PLEKHA5: variants seen among roughly 807,000 people sequenced by gnomAD.
PLEKHA5 encodes the protein pleckstrin homology domain-containing family A member 5.
A neutral mutation model predicts 181.9 loss-of-function variants in PLEKHA5; 55 were observed. That is an observed-to-expected ratio of 0.30 (90% confidence interval 0.24 to 0.38). PLEKHA5 has a LOEUF of 0.38. Ranked by LOEUF, PLEKHA5 falls within the 10% of genes least tolerant of loss-of-function variation. The pLI, the probability that PLEKHA5 is intolerant of heterozygous loss-of-function variation, is 1.00. For synonymous variants in PLEKHA5, 535 were observed against 529.4 expected, an observed-to-expected ratio of 1.01 and a Z score of -0.15; for missense variants, 1,432 against 1,549.5, an observed-to-expected ratio of 0.92 and a Z score of 1.27.
At chr12:19,187,429 T>C (rs1591985735) in intron 3 of PLEKHA5, among the ~76,000 whole-genome samples, 2 of 152,198 alleles carry the variant, frequency 1.3e-5, no homozygotes, top group South Asian at 4.1e-4. Context: ...GATGTTAGTC[T>C]TAATTACAGT....
intron 25 of PLEKHA5, among the ~76,000 whole-genome samples, chr12:19,349,866 A>G (rs1025654612): frequency 6.6e-6 from 1 of 152,166 alleles, no homozygotes; most frequent in Non-Finnish European, 1.5e-5. Context: ...TAATCCCAGC[A>G]CTTTGGGAGG....
rs2078206521 is a variant in PLEKHA5 at position 19,290,623 on chromosome 12, G to A, written c.1864-54G>A. The A allele has an allele frequency of 2.0e-6, 3 of 1,477,602 alleles. No homozygotes were observed. The South Asian group carries it at 3.8e-5, about 19-fold the overall frequency. The allele number at this position is 1,477,602 out of a possible 1,614,324, so 91.5% of individuals were successfully genotyped here. ...TCTTGGTTTAATATCTGTCACTTAA[G>A]ACAACAATTAATCTGTTTTCCACTG... On this transcript the variant is annotated intron_variant, in intron 13 of 31. Coordinates refer to ENST00000429027, the MANE Select transcript of PLEKHA5 (RefSeq NM_001256470.2).
At chr12:19,219,062 A>G (rs986017860) in intron 3 of PLEKHA5, among the ~76,000 whole-genome samples, 2 of 151,970 alleles carry the variant, frequency 1.3e-5, no homozygotes, top group Non-Finnish European at 2.9e-5. Context: ...ACAGATTTGA[A>G]CTGCGCTGGT....
intron 18 of PLEKHA5, chr12:19,321,770 A>G (rs999997603): frequency 2.6e-5 from 4 of 152,270 alleles, no homozygotes; most frequent in African/African-American, 9.6e-5. Context: ...TGGCAAAGAA[A>G]GTAAAGTCTC....
At chr12:19,342,568 A>G (rs2094020252) in intron 21 of PLEKHA5, among the ~76,000 whole-genome samples, 1 of 152,124 alleles carries the variant, frequency 6.6e-6, no homozygotes, top group Non-Finnish European at 1.5e-5. Flanking sequence ...AGGCAGGGCA[A>G]TTGCTTGAAC....
intron 3 of PLEKHA5, among the ~76,000 whole-genome samples, chr12:19,224,367 T>C (rs926083021): frequency 9.9e-5 from 15 of 152,172 alleles, no homozygotes; most frequent in Non-Finnish European, 2.2e-4. Context: ...TTTAATTGAA[T>C]GACTTTTGTT....
Position 19,359,616 on chromosome 12 carries a change from T to C in PLEKHA5, c.3483+70T>C, listed in dbSNP as rs145172976. ...GTGAAGATTAAATCAAGTGGTAAGG[T>C]TGAAAATAAAGTGTGTTTCTTTCAG... is the stretch of plus-strand genomic sequence containing the variant. On this transcript the variant is annotated intron_variant, in intron 28 of 31. Transcript: ENST00000429027. 1,679 of 1,442,038 alleles carry C rather than the reference T, an allele frequency of 1.2e-3. 16 individuals are homozygous for C. In the African/African-American group the frequency reaches 0.019, roughly 16 times the overall value. The allele number at this position is 1,442,038 out of a possible 1,614,324, so 89.3% of individuals were successfully genotyped here.
At chr12:19,333,344 C>A (rs2093038804) in intron 20 of PLEKHA5, among the ~76,000 whole-genome samples, 2 of 151,842 alleles carry the variant, frequency 1.3e-5, no homozygotes, top group Non-Finnish European at 2.9e-5. Flanking sequence ...CTTTGGGAGG[C>A]TGAGGCAGGC....
chr12:19,283,717 A>T lies in PLEKHA5; in HGVS notation c.1751A>T (p.Asp584Val). ...ATTCAGAGAGGAGATGTGACAATAGACCGCAGACACAGGGCCCATCACCCT... is the reference window on the plus strand; with the variant it reads ...ATTCAGAGAGGAGATGTGACAATAGTCCGCAGACACAGGGCCCATCACCCT... ...SPIQRGDVTI[D>V]RRHRAHHPKH... The change falls in exon 12 of 32, where the codon GAC becomes GTC. Residue 584 changes from aspartate to valine, a missense_variant. Physicochemically the swap from Asp to Val is radical, Grantham distance 152. Transcript: ENST00000429027. 1 of 1,613,616 alleles carries T rather than the reference A, an allele frequency of 6.2e-7. No homozygotes were observed.
chr12:19,188,238 A>G (rs545342745), intron 3 of PLEKHA5, among the ~76,000 whole-genome samples: 74 of 152,360 alleles, frequency 4.9e-4, no homozygotes, highest in African/African-American at 1.8e-3. Flanking sequence ...TTTAACATTA[A>G]GGACATAAGG....
At chr12:19,275,665 A>C (rs1029255991) in intron 11 of PLEKHA5, among the ~76,000 whole-genome samples, 1 of 152,056 alleles carries the variant, frequency 6.6e-6, no homozygotes, top group African/African-American at 2.4e-5. Flanking sequence ...ACTTGGGGGA[A>C]GTTGAAGTGG....
chr12:19,214,310 C>T (rs911215605), intron 3 of PLEKHA5, among the ~76,000 whole-genome samples: 4 of 152,124 alleles, frequency 2.6e-5, no homozygotes, highest in Admixed American at 1.3e-4. Flanking sequence ...CACCTTTTGA[C>T]TTTGTCAGTT....
At chr12:19,302,839 A>G (rs1199930873) in intron 15 of PLEKHA5, among the ~76,000 whole-genome samples, 3 of 151,494 alleles carry the variant, frequency 2.0e-5, no homozygotes, top group Non-Finnish European at 4.4e-5. Flanking sequence ...TCAATATTGA[A>G]CTACACAGAT....
chr12:19,186,366 T>C (rs1312469453), intron 3 of PLEKHA5, among the ~76,000 whole-genome samples: 1 of 152,198 alleles, frequency 6.6e-6, no homozygotes, highest in African/African-American at 2.4e-5. Flanking sequence ...CTAAGTTAGG[T>C]TGGCCACAGT....
chr12:19,231,918 CG>C (rs754589764), intron 3 of PLEKHA5, among the ~76,000 whole-genome samples: 17 of 151,776 alleles, frequency 1.1e-4, no homozygotes, highest in Admixed American at 3.3e-4. Flanking sequence ...TTTTTTCCAT[CG>C]AGAAAAATTG....
intron 17 of PLEKHA5, 99 bp from the exon 18 acceptor site, chr12:19,320,463 T>C (rs1373284903): frequency 1.8e-6 from 1 of 558,992 alleles, no homozygotes. Context: ...ATTTTTGTTA[T>C]GTTATATATA....
In PLEKHA5 at chr12:19,220,914, A is replaced by G. The variant is rs145697773; in HGVS notation, c.228-33026A>G. On this transcript the variant is annotated intron_variant, in intron 3 of 31. Coordinates refer to ENST00000429027, the MANE Select transcript of PLEKHA5 (RefSeq NM_001256470.2). ...AAATGAACATGCAAAAAAAATGCTT[A>G]ACACGTTTGTCTGTAGGGAATTGCA... is the stretch of plus-strand genomic sequence containing the variant. Among the ~76,000 whole-genome samples the G allele has an allele frequency of 5.7e-3, 873 of 152,298 alleles. 5 individuals carry two copies. Among genetic ancestry groups the G allele is most frequent in the Non-Finnish European group, 7.8e-3 (531 of 68,020 alleles).
chr12:19,289,595 A>G (rs952386652), intron 13 of PLEKHA5, among the ~76,000 whole-genome samples: 1 of 152,232 alleles, frequency 6.6e-6, no homozygotes, highest in Non-Finnish European at 1.5e-5. Flanking sequence ...AAGAATGCCA[A>G]TGATCATACT....
At chr12:19,158,834 A>G (rs772036364) in intron 3 of PLEKHA5, among the ~76,000 whole-genome samples, 2 of 152,172 alleles carry the variant, frequency 1.3e-5, no homozygotes, top group Non-Finnish European at 2.9e-5. Context: ...TTACTGTAGT[A>G]AATTGGGTGT....
Sources: allele counts gnomAD v4.1 joint callset (sites outside exome capture counted in the v4.1 genomes callset), GRCh38; gene constraint gnomAD v4.1.1; transcripts MANE v1.5; gene names NCBI Gene and HGNC (gene_info 2026-07-23, HGNC 2026-07-21).